Variants in LUZP2 observed in about 807,000 individuals in gnomAD.
The protein encoded by LUZP2 is leucine zipper protein 2.
Under a neutral mutation model 51.6 loss-of-function variants are expected in LUZP2, and 52 were observed. The ratio of observed to expected loss-of-function variants is 1.01; its 90% CI spans 0.81 to 1.27. The LOEUF is 1.27. LUZP2 is among the 50% of genes most tolerant of loss of function. The pLI is 0.00. For synonymous variants in LUZP2, 154 were observed against 137.3 expected (o/e 1.12, Z -0.85); for missense variants, 436 against 395.4 (o/e 1.10, Z -0.87).
chr11:24,600,737 G>C (rs1853604553), intron 1 of LUZP2, among the ~76,000 whole-genome samples: 1 of 152,090 alleles, frequency 6.6e-6, no homozygotes, highest in Non-Finnish European at 1.5e-5. Flanking sequence ...CTAAGGAAAG[G>C]TAGTATAAAC....
intron 1 of LUZP2, among the ~76,000 whole-genome samples, chr11:24,659,372 G>A (rs575314501): frequency 6.6e-6 from 1 of 152,188 alleles, no homozygotes; most frequent in East Asian, 1.9e-4. Flanking sequence ...ATTGAACAAT[G>A]AGAACACATG....
intron 1 of LUZP2, among the ~76,000 whole-genome samples, chr11:24,570,319 T>C (rs1002266078): frequency 2.6e-5 from 4 of 152,100 alleles, no homozygotes; most frequent in Non-Finnish European, 5.9e-5. Flanking sequence ...ATCTTTTATA[T>C]GCAAAAATAA....
At chr11:24,623,573 C>A (rs549579049) in intron 1 of LUZP2, among the ~76,000 whole-genome samples, 1 of 152,120 alleles carries the variant, frequency 6.6e-6, no homozygotes, top group South Asian at 2.1e-4. Flanking sequence ...ATGCCAGGCA[C>A]AGTGGCTCAC....
intron 1 of LUZP2, among the ~76,000 whole-genome samples, chr11:24,664,744 GT>G (rs1294762038): frequency 6.6e-6 from 1 of 152,168 alleles, no homozygotes; most frequent in Non-Finnish European, 1.5e-5. Flanking sequence ...TATATGTGGT[GT>G]TGGGCCTGTG....
chr11:24,526,303 G>C (rs1287812021), intron 1 of LUZP2, among the ~76,000 whole-genome samples: 2 of 150,136 alleles, frequency 1.3e-5, no homozygotes, highest in African/African-American at 4.9e-5. Flanking sequence ...ATTACTTCTG[G>C]TACTGACAAA....
At chr11:24,896,029 A>G (rs918481830) in intron 5 of LUZP2, among the ~76,000 whole-genome samples, 5 of 152,202 alleles carry the variant, frequency 3.3e-5, no homozygotes, top group African/African-American at 1.2e-4. Context: ...AACTACAGCA[A>G]TTCTGACTGG....
intron 1 of LUZP2, among the ~76,000 whole-genome samples, chr11:24,614,260 T>C (rs1854215516): frequency 6.6e-6 from 1 of 152,020 alleles, no homozygotes; most frequent in South Asian, 2.1e-4. Context: ...GTAAGTCTTC[T>C]CTATTCTAGA....
At chr11:24,523,428 G>A (rs1032540979) in intron 1 of LUZP2, among the ~76,000 whole-genome samples, 5 of 151,250 alleles carry the variant, frequency 3.3e-5, no homozygotes, top group African/African-American at 4.9e-5. Flanking sequence ...TGTATAGTGA[G>A]TTTTAATTAT....
chr11:24,591,499 G>T (rs982964376), intron 1 of LUZP2, among the ~76,000 whole-genome samples: 1 of 152,136 alleles, frequency 6.6e-6, no homozygotes, highest in African/African-American at 2.4e-5. Context: ...ATTCCTTTGG[G>T]CAGACAAATA....
At chr11:24,855,101 A>G (rs1304587450) in intron 5 of LUZP2, among the ~76,000 whole-genome samples, 1 of 152,110 alleles carries the variant, frequency 6.6e-6, no homozygotes, top group African/African-American at 2.4e-5. Flanking sequence ...CGCCACTTTT[A>G]TTCAATATAC....
chr11:24,983,344 T>A (rs1477054122), intron 9 of LUZP2, 51 bp downstream of exon 9: 20 of 1,550,962 alleles, frequency 1.3e-5, no homozygotes, highest in Non-Finnish European at 1.8e-5. Context: ...TAATGTGTTG[T>A]CTTTAAAGCC....
intron 5 of LUZP2, among the ~76,000 whole-genome samples, chr11:24,787,773 A>G (rs2095253120): frequency 6.6e-6 from 1 of 152,224 alleles, no homozygotes; most frequent in African/African-American, 2.4e-5. Flanking sequence ...TCACAAAGCT[A>G]GGTCATCAAT....
intron 7 of LUZP2, among the ~76,000 whole-genome samples, chr11:24,929,157 T>C (rs1854371395): frequency 6.6e-6 from 1 of 152,064 alleles, no homozygotes; most frequent in African/African-American, 2.4e-5. Context: ...ATCAATTTTA[T>C]TTATCTTTTC....
rs57668112 is a variant in LUZP2 at position 25,040,343 on chromosome 11, A to ATTT, written c.766-9677_766-9675dup. 9.1e-3 allele frequency among the ~76,000 whole-genome samples: 900 copies of ATTT among 98,802 alleles called. 37 individuals carry two copies. The East Asian group carries it at 0.1, about 11-fold the overall frequency. 64.8% of individuals were successfully genotyped at this position (98,802 alleles called of 152,430 possible). ...AGAGAGCCACTTTTCTTTCTTTCCGATTTTTTTTTTTTTTTTTTTTGCCAA... is the reference window on the plus strand; with the variant it reads ...AGAGAGCCACTTTTCTTTCTTTCCGATTTTTTTTTTTTTTTTTTTTTTTGCCAA... On this transcript the variant is annotated intron_variant, in intron 9 of 11. Transcript: ENST00000336930.
chr11:24,809,736 T>G (rs1472762183), intron 5 of LUZP2, among the ~76,000 whole-genome samples: 45 of 151,984 alleles, frequency 3.0e-4, no homozygotes, highest in Admixed American at 3.0e-3. Flanking sequence ...TAGATTTTTT[T>G]CCTTATGCAT....
chr11:24,682,293 G>A (rs1856760572), intron 1 of LUZP2, among the ~76,000 whole-genome samples: 1 of 151,912 alleles, frequency 6.6e-6, no homozygotes, highest in Admixed American at 6.6e-5. Context: ...ACAGGAGTGT[G>A]AGACCAGCCT....
intron 9 of LUZP2, among the ~76,000 whole-genome samples, chr11:24,994,518 CTA>C (rs1481435805): frequency 1.4e-4 from 21 of 152,148 alleles, no homozygotes; most frequent in Non-Finnish European, 2.5e-4. Context: ...TTTGCAGTGA[CTA>C]TGGTAGATTT....
At position 24,878,098 on chromosome 11, in the gene LUZP2, GTGTT is replaced by G. The variant is rs373830965; in HGVS notation, c.397-27891_397-27888del. ...GATAGTTACGGTGTTGTAATATTCT[GTGTT>G]TTTTTTTTTTTTTTTGGTGAACTTA... On this transcript the variant is annotated intron_variant, in intron 5 of 11. Transcript: ENST00000336930. Among the ~76,000 whole-genome samples, 77 of 18,548 alleles carry G rather than the reference GTGTT, an allele frequency of 4.2e-3. 1 individual carries two copies. In the South Asian group the frequency reaches 0.066, roughly 16 times the overall value. The allele number at this position is 18,548 out of a possible 152,430, so 12.2% of individuals were successfully genotyped here.
intron 1 of LUZP2, among the ~76,000 whole-genome samples, chr11:24,568,482 G>A (rs1331655684): frequency 6.6e-6 from 1 of 151,736 alleles, no homozygotes; most frequent in Admixed American, 6.6e-5. Context: ...CTATTAGGCA[G>A]ATATAACAAT....
Sources: gnomAD v4.1 joint callset for allele counts (sites outside exome capture counted in the v4.1 genomes callset) on GRCh38, gnomAD v4.1.1 for gene constraint, MANE v1.5 for transcripts, NCBI Gene and HGNC (gene_info 2026-07-23, HGNC 2026-07-21) for gene names.